EHBP1: variants seen among roughly 807,000 people sequenced by gnomAD.
EHBP1 encodes the protein EH domain binding protein 1.
EHBP1 carries 55 observed loss-of-function variants against 144.0 expected under a neutral mutation model. The observed-to-expected ratio is 0.38, with a 90% confidence interval of 0.31 to 0.48. The LOEUF (loss-of-function observed/expected upper bound fraction) is 0.48. Among genes scored for constraint, EHBP1 ranks in the 20% least tolerant of loss-of-function variants. EHBP1 has a pLI of 0.98. For synonymous variants in EHBP1, 469 were observed against 472.7 expected, an observed-to-expected ratio of 0.99 and a Z score of 0.10; for missense variants, 1,200 against 1,364.2, an observed-to-expected ratio of 0.88 and a Z score of 1.90.
rs180741721 is a variant in EHBP1, at chr2:62,743,446, G to T, written c.105-3949G>T. On this transcript the variant is annotated intron_variant, in intron 2 of 22. Coordinates refer to ENST00000431489, the MANE Select transcript of EHBP1 (RefSeq NM_001142616.3). ...CTGGACTAGGGTAGTTGGTTTAATGGTCTGTCTCCCCACTAGATTGTGAAC... is the reference window on the plus strand; with the variant it reads ...CTGGACTAGGGTAGTTGGTTTAATGTTCTGTCTCCCCACTAGATTGTGAAC... 3.9e-5 allele frequency among the ~76,000 whole-genome samples: 6 copies of T among 152,072 alleles called. No individual in the cohort carries two copies. In the East Asian group the frequency reaches 1.2e-3, roughly 29 times the overall value.
chr2:62,838,311 T>TA (rs1410625607), intron 7 of EHBP1, among the ~76,000 whole-genome samples: 1 of 152,124 alleles, frequency 6.6e-6, no homozygotes, highest in Non-Finnish European at 1.5e-5. Flanking sequence ...AGACACAACA[T>TA]ACCACAATCT....
intron 12 of EHBP1, 78 bp downstream of exon 12, chr2:62,943,928 G>A: frequency 6.2e-6 from 7 of 1,128,872 alleles, no homozygotes; most frequent in Non-Finnish European, 9.1e-6. Context: ...TGGAGAAAGT[G>A]AGGCAGTTTT....
chr2:62,985,358 A>G (rs2059140221), intron 15 of EHBP1, among the ~76,000 whole-genome samples: 1 of 152,184 alleles, frequency 6.6e-6, no homozygotes. Flanking sequence ...ACGCTGCTCT[A>G]ACTTATAAAA....
chr2:62,723,234 A>G (rs2036408548), intron 2 of EHBP1, among the ~76,000 whole-genome samples: 1 of 152,158 alleles, frequency 6.6e-6, no homozygotes, highest in Non-Finnish European at 1.5e-5. Context: ...CCATTATGTA[A>G]TGCCCTTCTT....
chr2:62,693,755 A>C (rs1346073409), intron 1 of EHBP1, among the ~76,000 whole-genome samples: 1 of 152,094 alleles, frequency 6.6e-6, no homozygotes, highest in Non-Finnish European at 1.5e-5. Flanking sequence ...TCCATTAACC[A>C]ACCTCTCTTC....
In EHBP1 at chr2:62,993,676, A is replaced by G; in HGVS notation, c.2872+8A>G. 1 of 1,542,368 alleles carries G rather than the reference A, an allele frequency of 6.5e-7. No homozygotes were observed. The stretch of plus-strand genomic sequence containing the variant: ...ATATTGAGAATAGACCAGGTAGAAC[A>G]CTTTTTAAAATGTTTTTCCATGTTA... On this transcript the variant is annotated splice_region_variant and intron_variant, in intron 17 of 22. Coordinates refer to ENST00000431489, the MANE Select transcript of EHBP1 (RefSeq NM_001142616.3).
intron 3 of EHBP1, among the ~76,000 whole-genome samples, chr2:62,756,165 A>G (rs1344895685): frequency 2.0e-5 from 3 of 151,604 alleles, no homozygotes; most frequent in East Asian, 1.9e-4. Context: ...TTTTTATTTC[A>G]TTGCATTTAC....
At chr2:62,977,976 C>CA (rs1280818014) in intron 14 of EHBP1, among the ~76,000 whole-genome samples, 1 of 151,964 alleles carries the variant, frequency 6.6e-6, no homozygotes, top group Admixed American at 6.6e-5. Context: ...ATGACACACT[C>CA]AGAGCCACAA....
chr2:62,689,279 A>G (rs2033825077), intron 1 of EHBP1, among the ~76,000 whole-genome samples: 1 of 152,258 alleles, frequency 6.6e-6, no homozygotes, highest in Admixed American at 6.5e-5. Flanking sequence ...CAAATATGAC[A>G]GAAATAAAAG....
In EHBP1 at chr2:62,835,641, T is replaced by A. The variant is rs1031987001; in HGVS notation, c.634+4483T>A. On this transcript the variant is annotated intron_variant, in intron 7 of 22. Transcript: ENST00000431489. ...CGCAGGCCAGTGGGTGCGCGCACCG[T>A]GCGCGAGCCGAAGCAGGGCGAGGCA... 8.2e-4 allele frequency among the ~76,000 whole-genome samples: 124 copies of A among 152,090 alleles called. 1 individual carries two copies. Among genetic ancestry groups the A allele is most frequent in the African/African-American group, 2.8e-3 (118 of 41,500 alleles).
upstream of EHBP1, among the ~76,000 whole-genome samples, chr2:62,700,748 T>C (rs982388475): frequency 3.3e-5 from 5 of 152,326 alleles, no homozygotes; most frequent in African/African-American, 1.2e-4. Context: ...ACTTCTTCAG[T>C]GACACTAGCC....
At chr2:62,743,010 C>G (rs910400418) in intron 2 of EHBP1, among the ~76,000 whole-genome samples, 3 of 152,006 alleles carry the variant, frequency 2.0e-5, no homozygotes, top group Non-Finnish European at 4.4e-5. Flanking sequence ...TACAGAAAAG[C>G]ATAATGACAT....
intron 14 of EHBP1, among the ~76,000 whole-genome samples, chr2:62,975,887 TACACACACACACAC>T (rs57375651): frequency 2.7e-4 from 34 of 123,748 alleles, no homozygotes; most frequent in Middle Eastern, 4.0e-3. Context: ...TTACTGTATG[TACACACACACACAC>T]ACACACACAC....
In EHBP1 at chr2:62,859,183, C is replaced by T. The variant is rs1482109486; in HGVS notation, c.649C>T (p.Leu217Phe). 1 of 1,611,066 alleles carries T rather than the reference C, an allele frequency of 6.2e-7. No homozygotes were observed. Among genetic ancestry groups the T allele is most frequent in the East Asian group, 2.2e-5 (1 of 44,758 alleles). ...AAKITELINK[L>F]NFLDEAEKDL... The stretch of plus-strand genomic sequence containing the variant: ...TTTATTTTCAGAGCTTATCAACAAA[C>T]TTAACTTTTTGGATGAAGCAGAAAA... The change falls in exon 8 of 23, where the codon CTT becomes TTT. Residue 217 changes from leucine (L) to phenylalanine (F), a missense_variant. Coordinates refer to ENST00000431489, the MANE Select transcript of EHBP1 (RefSeq NM_001142616.3).
chr2:62,696,001 C>T (rs1389030969), intron 1 of EHBP1, among the ~76,000 whole-genome samples: 2 of 152,084 alleles, frequency 1.3e-5, no homozygotes, highest in Non-Finnish European at 2.9e-5. Flanking sequence ...GCATGAGCCA[C>T]CATGACCAGC....
At chr2:62,963,238 C>T (rs1471731570) in intron 14 of EHBP1, among the ~76,000 whole-genome samples, 8 of 152,052 alleles carry the variant, frequency 5.3e-5, no homozygotes, top group African/African-American at 1.4e-4. Context: ...AAACCTTTGA[C>T]GGGTATTTTA....
At chr2:62,939,653 A>G (rs1295166032) in intron 10 of EHBP1, among the ~76,000 whole-genome samples, 1 of 151,876 alleles carries the variant, frequency 6.6e-6, no homozygotes, top group African/African-American at 2.4e-5. Context: ...GATATCTGAG[A>G]GAGTACCAGG....
At chr2:62,678,519 G>T (rs2033394377) in intron 1 of EHBP1, among the ~76,000 whole-genome samples, 1 of 152,034 alleles carries the variant, frequency 6.6e-6, no homozygotes, top group African/African-American at 2.4e-5. Flanking sequence ...TTATAACCTA[G>T]GGCCAGCATT....
chr2:62,779,401 A>T (rs962718469), intron 5 of EHBP1, among the ~76,000 whole-genome samples: 1 of 152,138 alleles, frequency 6.6e-6, no homozygotes, highest in Non-Finnish European at 1.5e-5. Context: ...AGTTCATTCA[A>T]CTTTGTGTGG....
Sources: allele counts gnomAD v4.1 joint callset (sites outside exome capture counted in the v4.1 genomes callset), GRCh38; gene constraint gnomAD v4.1.1; transcripts MANE v1.5; gene names NCBI Gene and HGNC (gene_info 2026-07-23, HGNC 2026-07-21).